The following RHOD variants were observed in gnomAD, a reference collection of about 807,000 sequenced individuals.
RHOD encodes the protein rho-related GTP-binding protein RhoD.
RHOD carries 11 observed loss-of-function variants against 16.7 expected under a neutral mutation model. That is an observed-to-expected ratio of 0.66 (90% CI 0.41 to 1.09). RHOD has a LOEUF of 1.09. Among genes scored for constraint, RHOD ranks in the 50% least tolerant of loss-of-function variants. RHOD has a pLI of 0.00. For synonymous variants in RHOD, 124 were observed against 126.3 expected, an observed-to-expected ratio of 0.98 and a Z score of 0.12; for missense variants, 271 against 291.7, an observed-to-expected ratio of 0.93 and a Z score of 0.52.
In RHOD at chr11:67,057,017, G is replaced by A. The variant is rs756286221; in HGVS notation, c.115G>A (p.Asp39Asn). Reference protein sequence around the residue: ...GKTSLLMVFADGAFPESYTPT... With the variant: ...GKTSLLMVFANGAFPESYTPT... ...GACGTCGCTGCTGATGGTCTTCGCCGATGGGGCCTTCCCCGAGGTGAGTGC... is the reference window on the plus strand; with the variant it reads ...GACGTCGCTGCTGATGGTCTTCGCCAATGGGGCCTTCCCCGAGGTGAGTGC... Residue 39 changes from aspartate to asparagine, a missense_variant, in exon 1 of 5, where the codon GAT becomes AAT. Asp to Asn is a conservative substitution (Grantham distance 23). Transcript: ENST00000308831. 1.3e-6 allele frequency: 2 copies of A among 1,498,994 alleles called. No homozygotes were observed. Among genetic ancestry groups the A allele is most frequent in the African/African-American group, 1.4e-5 (1 of 69,080 alleles). The allele number at this position is 1,498,994 out of a possible 1,614,324, so 92.9% of individuals were successfully genotyped here.
chr11:67,065,934 C>T lies in RHOD; in HGVS notation c.171C>T (p.Asn57=), dbSNP rs1221276157. The T allele has an allele frequency of 6.2e-7, 1 of 1,613,876 alleles. No homozygotes were observed. Among genetic ancestry groups the T allele is most frequent in the East Asian group, 2.2e-5 (1 of 44,890 alleles). The part of the protein sequence containing the change: ...TPTVFERYMV[N]LQVKGKPVHL... ...CGGTGTTTGAGCGGTACATGGTCAA[C>T]CTGCAAGTGAAAGGCAAACCTGTGC... is the stretch of plus-strand genomic sequence containing the variant. The change falls in exon 2 of 5, where the codon AAC becomes AAT. Residue 57 remains asparagine, a synonymous_variant. Coordinates refer to ENST00000308831, the MANE Select transcript of RHOD (RefSeq NM_014578.4).
At chr11:67,066,012 GA>G in intron 2 of RHOD, 29 bp downstream of exon 2, 1 of 581,442 alleles carries the variant, frequency 1.7e-6, no homozygotes, top group Non-Finnish European at 3.4e-6. Context: ...GGCAGGGTGG[GA>G]GGGGCTTCTG....
chr11:67,071,340 A>AC, intron 4 of RHOD, 95 bp from the exon 5 acceptor site: 1 of 1,287,160 alleles, frequency 7.8e-7, no homozygotes, highest in Non-Finnish European at 1.0e-6. Context: ...TGCTCCGCAG[A>AC]CCCCACCTTC....
intron 3 of RHOD, among the ~76,000 whole-genome samples, chr11:67,067,151 C>T (rs543535486): frequency 1.1e-4 from 16 of 152,298 alleles, no homozygotes; most frequent in Non-Finnish European, 2.2e-4. Flanking sequence ...CCTGAGGTTG[C>T]TGGGTGAGCC....
At chr11:67,065,794 G>C (rs12803688) in intron 1 of RHOD, 102 bp from the exon 2 acceptor site, 2 of 729,824 alleles carry the variant, frequency 2.7e-6, no homozygotes, top group Non-Finnish European at 4.7e-6. Flanking sequence ...AAACAACTAC[G>C]CTCCACTGAC....
intron 3 of RHOD, among the ~76,000 whole-genome samples, chr11:67,067,355 G>A (rs897352060): frequency 6.6e-5 from 10 of 152,150 alleles, no homozygotes; most frequent in Admixed American, 3.9e-4. Flanking sequence ...CAGGGCCTCC[G>A]AGTTTCCGCA....
At position 67,065,918 on chromosome 11, in the gene RHOD, A is replaced by G. The variant is rs1854953997; in HGVS notation, c.155A>G (p.Glu52Gly). The G allele has an allele frequency of 1.3e-6, 2 of 1,596,426 alleles. No homozygotes were observed. Among genetic ancestry groups the G allele is most frequent in the African/African-American group, 2.7e-5 (2 of 74,226 alleles). The change falls in exon 2 of 5, where the codon GAG becomes GGG. Residue 52 changes from glutamate to glycine, a missense_variant. Glu to Gly is a moderately conservative substitution (Grantham distance 98). Coordinates refer to ENST00000308831, the MANE Select transcript of RHOD (RefSeq NM_014578.4). ...FPESYTPTVF[E>G]RYMVNLQVKG... ...CAGAGCTACACCCCCACGGTGTTTG[A>G]GCGGTACATGGTCAACCTGCAAGTG...
intron 4 of RHOD, among the ~76,000 whole-genome samples, chr11:67,070,962 A>T (rs1178930399): frequency 6.6e-6 from 1 of 151,958 alleles, no homozygotes; most frequent in Non-Finnish European, 1.5e-5. Context: ...GGCAGGGCGC[A>T]GGGGCTCACG....
At chr11:67,067,237 G>A (rs939316119) in intron 3 of RHOD, among the ~76,000 whole-genome samples, 13 of 152,304 alleles carry the variant, frequency 8.5e-5, no homozygotes, top group Admixed American at 1.3e-4. Flanking sequence ...GCAGCTCTGC[G>A]TGGCTGCTGG....
rs1855037733 is a variant in RHOD, at chr11:67,071,879, C to G, written c.*277C>G. ...CGACATCCTGGAGCCGCCTGTGCAG[C>G]CTGATGCCCCCTCGTGGCTGCTCCC... On this transcript the variant is annotated 3_prime_UTR_variant, in exon 5 of 5. Transcript: ENST00000308831. 1 of 397,588 alleles carries G rather than the reference C, an allele frequency of 2.5e-6. No individual in the cohort carries two copies. The allele number at this position is 397,588 out of a possible 1,614,324, so 24.6% of individuals were successfully genotyped here.
chr11:67,069,140 A>G (rs929221762), intron 3 of RHOD, among the ~76,000 whole-genome samples: 1 of 149,444 alleles, frequency 6.7e-6, no homozygotes, highest in Admixed American at 6.7e-5. Flanking sequence ...GCTGATGCCA[A>G]TTTTTATCAG....
In RHOD at chr11:67,067,204, A is replaced by G. The variant is rs562236974; in HGVS notation, c.330+357A>G. ...CCCAGCCTGTGCCCGCCCAAGGTGC[A>G]TGAACAGTCAAGTCAGAGTCCAGCA... is the stretch of plus-strand genomic sequence containing the variant. On this transcript the variant is annotated intron_variant, in intron 3 of 4. Coordinates refer to ENST00000308831, the MANE Select transcript of RHOD (RefSeq NM_014578.4). 6.6e-5 allele frequency among the ~76,000 whole-genome samples: 10 copies of G among 152,298 alleles called. No homozygotes were observed. The East Asian group carries it at 1.7e-3, about 26-fold the overall frequency.
chr11:67,068,733 G>A (rs1199076114), intron 3 of RHOD, among the ~76,000 whole-genome samples: 1 of 152,036 alleles, frequency 6.6e-6, no homozygotes, highest in East Asian at 1.9e-4. Flanking sequence ...CTTGAACCCG[G>A]GAGGCGGAGG....
intron 1 of RHOD, among the ~76,000 whole-genome samples, chr11:67,060,205 TC>T (rs1395458860): frequency 6.6e-6 from 1 of 152,146 alleles, no homozygotes; most frequent in Non-Finnish European, 1.5e-5. Context: ...CCCATGGGTG[TC>T]CTAACCAGGG....
At chr11:67,058,120 T>G (rs1186467680) in intron 1 of RHOD, among the ~76,000 whole-genome samples, 1 of 151,596 alleles carries the variant, frequency 6.6e-6, no homozygotes, top group Non-Finnish European at 1.5e-5. Context: ...CTCAGCCTCC[T>G]AAGTAGCTGG....
chr11:67,067,052 C>T (rs1854967675), intron 3 of RHOD, among the ~76,000 whole-genome samples: 1 of 152,214 alleles, frequency 6.6e-6, no homozygotes, highest in Non-Finnish European at 1.5e-5. Context: ...TTGGTGGCAG[C>T]GTCTGCCCTT....
At position 67,056,977 on chromosome 11, in the gene RHOD, C is replaced by CGGCGGCTGCGGGAAGACGT. The variant is rs1854820228; in HGVS notation, c.76_94dup (p.Ser32TrpfsTer27). 1 of 1,506,874 alleles carries CGGCGGCTGCGGGAAGACGT rather than the reference C, an allele frequency of 6.6e-7. No individual in the cohort carries two copies. Among genetic ancestry groups the CGGCGGCTGCGGGAAGACGT allele is most frequent in the Non-Finnish European group, 8.8e-7 (1 of 1,137,290 alleles). The allele number at this position is 1,506,874 out of a possible 1,614,324, so 93.3% of individuals were successfully genotyped here. ...CCGTCAAGGTGGTCCTGGTGGGCGA[C>CGGCGGCTGCGGGAAGACGT]GGCGGCTGCGGGAAGACGTCGCTGC... is the stretch of plus-strand genomic sequence containing the variant. On this transcript the variant is annotated frameshift_variant, in exon 1 of 5. Coordinates refer to ENST00000308831, the MANE Select transcript of RHOD (RefSeq NM_014578.4). LOFTEE classifies it high-confidence loss of function.
chr11:67,057,038 A>G lies in RHOD; in HGVS notation c.132+4A>G. The G allele has an allele frequency of 6.8e-7, 1 of 1,464,352 alleles. No individual in the cohort carries two copies. The highest frequency in any genetic ancestry group is 2.7e-5 in the Admixed American group (1 of 37,128). The allele number at this position is 1,464,352 out of a possible 1,614,324, so 90.7% of individuals were successfully genotyped here. A position where few individuals can be genotyped will look rare whatever the true frequency, so the allele number is the denominator to read the frequency against. ...CGCCGATGGGGCCTTCCCCGAGGTG[A>G]GTGCCCCGCGCCTCCGCCTCGCCCG... On this transcript the variant is annotated splice_donor_region_variant and intron_variant, in intron 1 of 4. Transcript: ENST00000308831.
chr11:67,062,532 G>A (rs1256782635), intron 1 of RHOD, among the ~76,000 whole-genome samples: 1 of 152,158 alleles, frequency 6.6e-6, no homozygotes, highest in Admixed American at 6.5e-5. Context: ...AGAGTCTGGG[G>A]TGGGGCCAGC....
Sources: gnomAD v4.1 joint callset for allele counts (sites outside exome capture counted in the v4.1 genomes callset) on GRCh38, gnomAD v4.1.1 for gene constraint, MANE v1.5 for transcripts, NCBI Gene and HGNC (gene_info 2026-07-23, HGNC 2026-07-21) for gene names.